The following SAMD5 variants were observed in gnomAD, a reference collection of about 807,000 sequenced individuals.
SAMD5 encodes sterile alpha motif domain containing 5, also known as sterile alpha motif domain-containing protein 5.
SAMD5 carries 13 observed loss-of-function variants against 11.3 expected under a neutral mutation model. The ratio of observed to expected loss-of-function variants is 1.15; its 90% CI spans 0.75 to 1.83. The LOEUF (loss-of-function observed/expected upper bound fraction) is 1.83. SAMD5 is among the 40% of genes most tolerant of loss of function. The pLI is 0.00. For missense variants in SAMD5, 255 were observed against 239.1 expected, an observed-to-expected ratio of 1.07 and a Z score of -0.44; for synonymous variants, 129 against 111.3, an observed-to-expected ratio of 1.16 and a Z score of -1.00.
At chr6:147,521,753 G>A (rs1163271434) in intron 1 of SAMD5, among the ~76,000 whole-genome samples, 7 of 152,050 alleles carry the variant, frequency 4.6e-5, no homozygotes, top group Non-Finnish European at 8.8e-5. Flanking sequence ...ATTGTGAAGT[G>A]GTTCTCAATG....
At chr6:147,835,934 C>T in the SAMD5 span, among the ~76,000 whole-genome samples, 1 of 152,216 alleles carries the variant, frequency 6.6e-6, no homozygotes, top group Non-Finnish European at 1.5e-5. Context: ...CTAAAGTTAA[C>T]AGCAACGTCT....
At chr6:147,754,172 G>T in the SAMD5 span, among the ~76,000 whole-genome samples, 1 of 152,110 alleles carries the variant, frequency 6.6e-6, no homozygotes, top group African/African-American at 2.4e-5. Context: ...CACCAACAGT[G>T]TACGAGGGTT....
chr6:147,903,296 A>G, the SAMD5 span, among the ~76,000 whole-genome samples: 1 of 152,262 alleles, frequency 6.6e-6, no homozygotes, highest in African/African-American at 2.4e-5. Context: ...GACATAAAAC[A>G]TTGATCTGAT....
chr6:147,645,641 A>G (rs1349961521), intron 1 of SAMD5, among the ~76,000 whole-genome samples: 1 of 152,180 alleles, frequency 6.6e-6, no homozygotes, highest in Non-Finnish European at 1.5e-5. Flanking sequence ...AGTTTTATAT[A>G]GGAGCAGGGT....
intron 1 of SAMD5, among the ~76,000 whole-genome samples, chr6:147,551,102 C>T (rs374853861): frequency 2.6e-5 from 4 of 152,276 alleles, no homozygotes; most frequent in South Asian, 4.2e-4. Context: ...CCCTTCCACT[C>T]GAAGTTCTCA....
At chr6:147,537,284 A>G (rs1788524419) in intron 1 of SAMD5, among the ~76,000 whole-genome samples, 1 of 152,182 alleles carries the variant, frequency 6.6e-6, no homozygotes, top group African/African-American at 2.4e-5. Flanking sequence ...TTTAGACTTT[A>G]GAGGACCTAA....
the SAMD5 span, among the ~76,000 whole-genome samples, chr6:147,934,139 G>A: frequency 1.3e-5 from 2 of 152,148 alleles, no homozygotes; most frequent in Admixed American, 1.3e-4. Flanking sequence ...AGATATTGAT[G>A]GGGGAGGAGG....
At chr6:147,523,881 G>A (rs927636566) in intron 1 of SAMD5, among the ~76,000 whole-genome samples, 2 of 152,162 alleles carry the variant, frequency 1.3e-5, no homozygotes, top group Admixed American at 6.5e-5. Context: ...CACAAACTCA[G>A]TGTATCTCTG....
chr6:147,687,425 C>G (rs893364169), intron 1 of SAMD5, among the ~76,000 whole-genome samples: 1 of 151,598 alleles, frequency 6.6e-6, no homozygotes, highest in Non-Finnish European at 1.5e-5. Context: ...CACAGACATG[C>G]GCCACCATAC....
the SAMD5 span, among the ~76,000 whole-genome samples, chr6:147,896,664 T>C: frequency 1.3e-5 from 2 of 149,310 alleles, no homozygotes; most frequent in Non-Finnish European, 3.0e-5. Flanking sequence ...GTAGTAAAAA[T>C]TCTTCAAGTG....
chr6:147,919,847 A>G, the SAMD5 span, among the ~76,000 whole-genome samples: 1 of 152,230 alleles, frequency 6.6e-6, no homozygotes, highest in African/African-American at 2.4e-5. Flanking sequence ...CTTTGAGGCC[A>G]GGGAAGCAAC....
chr6:147,559,145 C>T (rs1344263819), intron 1 of SAMD5, among the ~76,000 whole-genome samples: 8 of 152,176 alleles, frequency 5.3e-5, no homozygotes, highest in Non-Finnish European at 1.2e-4. Flanking sequence ...GGCGGTAAGG[C>T]GGCACTGGCC....
the SAMD5 span, among the ~76,000 whole-genome samples, chr6:147,745,271 A>G: frequency 6.6e-6 from 1 of 152,186 alleles, no homozygotes; most frequent in South Asian, 2.1e-4. Context: ...GGAGATGGGT[A>G]TGTGAAGATT....
chr6:147,877,528 T>C, the SAMD5 span, among the ~76,000 whole-genome samples: 2 of 152,218 alleles, frequency 1.3e-5, no homozygotes, highest in African/African-American at 4.8e-5. Flanking sequence ...ATTAATTTTC[T>C]GTGTCAATTT....
chr6:147,821,672 A>G, the SAMD5 span, among the ~76,000 whole-genome samples: 1 of 152,212 alleles, frequency 6.6e-6, no homozygotes, highest in South Asian at 2.1e-4. Context: ...TTTTCACTTT[A>G]GTTTTCCAGT....
chr6:147,654,121 C>G (rs2128453654), intron 1 of SAMD5, among the ~76,000 whole-genome samples: 1 of 152,226 alleles, frequency 6.6e-6, no homozygotes, highest in South Asian at 2.1e-4. Context: ...GCTTTCTCCT[C>G]CAGGATAAAA....
chr6:147,664,466 G>A (rs1221803574), intron 1 of SAMD5, among the ~76,000 whole-genome samples: 1 of 152,100 alleles, frequency 6.6e-6, no homozygotes, highest in Non-Finnish European at 1.5e-5. Context: ...TCGTTTCTCA[G>A]TGATACCCAA....
At chr6:147,817,526 G>A in the SAMD5 span, among the ~76,000 whole-genome samples, 1 of 152,166 alleles carries the variant, frequency 6.6e-6, no homozygotes, top group African/African-American at 2.4e-5. Context: ...TCTTTCATGA[G>A]GTCATGCACC....
intron 1 of SAMD5, among the ~76,000 whole-genome samples, chr6:147,520,181 C>T (rs1788230687): frequency 6.6e-6 from 1 of 150,482 alleles, no homozygotes; most frequent in African/African-American, 2.5e-5. Context: ...GCAGAGGCAC[C>T]ATCTTGGCTC....
Sources: gnomAD v4.1 joint callset for allele counts (sites outside exome capture counted in the v4.1 genomes callset) on GRCh38, gnomAD v4.1.1 for gene constraint, MANE v1.5 for transcripts, NCBI Gene and HGNC (gene_info 2026-07-23, HGNC 2026-07-21) for gene names.